The following HSPE1 variants were observed in gnomAD, a reference collection of about 807,000 sequenced individuals.
HSPE1 encodes the protein 10 kDa heat shock protein, mitochondrial.
HSPE1 carries 1 observed loss-of-function variant against 13.2 expected under a neutral mutation model. The ratio of observed to expected loss-of-function variants is 0.08; its 90% CI spans 0.03 to 0.36. The LOEUF is 0.36. Ranked by LOEUF, HSPE1 falls within the 10% of genes least tolerant of loss-of-function variation. HSPE1 has a pLI of 0.99. For missense variants in HSPE1, 73 were observed against 118.7 expected, an observed-to-expected ratio of 0.62 and a Z score of 1.79; for synonymous variants, 44 against 42.0, an observed-to-expected ratio of 1.05 and a Z score of -0.19.
In HSPE1 at chr2:197,501,193, A is replaced by G. The variant is rs960600265; in HGVS notation, c.123A>G (p.Val41=). Reference sequence around the variant, plus strand: ...TTCCAGAAAAATCTCAAGGAAAAGTATTGCAAGCAACAGTAGTCGCTGTTG... The same window carrying G: ...TTCCAGAAAAATCTCAAGGAAAAGTGTTGCAAGCAACAGTAGTCGCTGTTG... The part of the protein sequence containing the change: ...IMLPEKSQGK[V]LQATVVAVGS... Residue 41 remains valine (V), a synonymous_variant, in exon 2 of 4, where the codon GTA becomes GTG. Transcript: ENST00000233893. 1 of 1,614,024 alleles carries G rather than the reference A, an allele frequency of 6.2e-7. No individual in the cohort carries two copies.
intron 1 of HSPE1, chr2:197,500,850 T>C (rs2086243415): frequency 1.7e-6 from 1 of 601,848 alleles, no homozygotes; most frequent in Non-Finnish European, 2.9e-6. Flanking sequence ...GCTGGTCTGG[T>C]TGCTCACCGG....
At chr2:197,500,512 C>T in intron 1 of HSPE1, 73 bp downstream of exon 1, 1 of 639,226 alleles carries the variant, frequency 1.6e-6, no homozygotes, top group Non-Finnish European at 2.7e-6. Context: ...TGACGCCCCT[C>T]TTTTGTTGGG....
Position 197,500,412 on chromosome 2 carries a change from G to C in HSPE1, c.-25G>C. On this transcript the variant is annotated 5_prime_UTR_variant, in exon 1 of 4. Transcript: ENST00000233893. ...CTTTGCGGCGCTACACTAGAGCAGAGTACGAGTCTGAGGCGGAGGGAGTAA... is the reference window on the plus strand; with the variant it reads ...CTTTGCGGCGCTACACTAGAGCAGACTACGAGTCTGAGGCGGAGGGAGTAA... 2.5e-6 allele frequency: 4 copies of C among 1,600,166 alleles called. No homozygotes were observed. The highest frequency in any genetic ancestry group is 1.7e-6 in the Non-Finnish European group (2 of 1,173,962).
At chr2:197,500,550 A>G (rs1018284609) in intron 1 of HSPE1, 111 bp downstream of exon 1, 3 of 1,478,310 alleles carry the variant, frequency 2.0e-6, no homozygotes, top group African/African-American at 1.4e-5. Context: ...GTGGCCACTC[A>G]GTGACCAGCG....
intron 2 of HSPE1, 110 bp downstream of exon 2, chr2:197,501,348 A>G: frequency 7.9e-7 from 1 of 1,269,504 alleles, no homozygotes; most frequent in Non-Finnish European, 1.1e-6. Flanking sequence ...GTCGTTTTCA[A>G]GATCATTAAC....
In HSPE1 at chr2:197,500,983, A is replaced by G. The variant is rs903605115; in HGVS notation, c.4-91A>G. The G allele has an allele frequency of 2.7e-6, 4 of 1,475,130 alleles. No individual in the cohort carries two copies. In the African/African-American group the frequency reaches 5.6e-5, roughly 21 times the overall value. 91.4% of individuals were successfully genotyped at this position (1,475,130 alleles called of 1,614,324 possible). ...AGGTTTGGTGTTAACTTTCAAAGCC[A>G]AAACGTGTTGAGATGTATAGCACGG... On this transcript the variant is annotated intron_variant, in intron 1 of 3. Coordinates refer to ENST00000233893, the MANE Select transcript of HSPE1 (RefSeq NM_002157.3).
chr2:197,501,742 T>A (rs1162086729), intron 2 of HSPE1, among the ~76,000 whole-genome samples: 1 of 130,732 alleles, frequency 7.6e-6, no homozygotes, highest in Non-Finnish European at 1.6e-5. Flanking sequence ...CATTCCAGTA[T>A]GGGGGACAGG....
Position 197,501,169 on chromosome 2 carries a change from T to G in HSPE1, c.99T>G (p.Leu33=). The G allele has an allele frequency of 1.9e-6, 3 of 1,614,164 alleles. No homozygotes were observed. The Admixed American group carries it at 5.0e-5, about 27-fold the overall frequency. The part of the protein sequence containing the change: ...AETVTKGGIM[L]PEKSQGKVLQ... ...CTGTAACCAAAGGAGGCATTATGCTTCCAGAAAAATCTCAAGGAAAAGTAT... is the reference window on the plus strand; with the variant it reads ...CTGTAACCAAAGGAGGCATTATGCTGCCAGAAAAATCTCAAGGAAAAGTAT... The change falls in exon 2 of 4, where the codon CTT becomes CTG. Residue 33 remains leucine, a synonymous_variant. Coordinates refer to ENST00000233893, the MANE Select transcript of HSPE1 (RefSeq NM_002157.3).
intron 1 of HSPE1, 110 bp downstream of exon 1, chr2:197,500,549 C>CA: frequency 6.8e-7 from 1 of 1,473,562 alleles, no homozygotes; most frequent in Non-Finnish European, 9.3e-7. Flanking sequence ...GGTGGCCACT[C>CA]AGTGACCAGC....
At chr2:197,500,993 G>A (rs2086246165) in intron 1 of HSPE1, 81 bp from the exon 2 acceptor site, 2 of 1,512,734 alleles carry the variant, frequency 1.3e-6, no homozygotes, top group Admixed American at 2.0e-5. Flanking sequence ...AAAACGTGTT[G>A]AGATGTATAG....
intron 2 of HSPE1, among the ~76,000 whole-genome samples, chr2:197,502,257 A>G (rs1440508106): frequency 2.0e-5 from 3 of 152,196 alleles, no homozygotes; most frequent in Non-Finnish European, 4.4e-5. Context: ...ATTTTTTTTA[A>G]GCTTACCAGC....
chr2:197,500,593 C>T, intron 1 of HSPE1, 154 bp downstream of exon 1: 6 of 1,156,000 alleles, frequency 5.2e-6, no homozygotes, highest in East Asian at 2.6e-5. Context: ...AAGGCCCGCC[C>T]GACCCTTTTC....
chr2:197,500,863 G>T, intron 1 of HSPE1: 1 of 619,636 alleles, frequency 1.6e-6, no homozygotes, highest in Non-Finnish European at 2.8e-6. Context: ...CTCACCGGAG[G>T]AGCGACAACG....
In HSPE1 at chr2:197,501,065, T is replaced by C. The variant is rs370386655; in HGVS notation, c.4-9T>C. On this transcript the variant is annotated splice_polypyrimidine_tract_variant and intron_variant, in intron 1 of 3. Coordinates refer to ENST00000233893, the MANE Select transcript of HSPE1 (RefSeq NM_002157.3). ...TAGTTTTTGTTTCAAAACATTTCTCTTCCTACAGGCAGGACAAGCGTTTAG... is the reference window on the plus strand; with the variant it reads ...TAGTTTTTGTTTCAAAACATTTCTCCTCCTACAGGCAGGACAAGCGTTTAG... 13 of 1,598,578 alleles carry C rather than the reference T, an allele frequency of 8.1e-6. No homozygotes were observed. Among genetic ancestry groups the C allele is most frequent in the East Asian group, 2.2e-5 (1 of 44,858 alleles).
At chr2:197,502,504 A>C (rs1477781226) in intron 2 of HSPE1, among the ~76,000 whole-genome samples, 3 of 152,172 alleles carry the variant, frequency 2.0e-5, no homozygotes, top group Non-Finnish European at 2.9e-5. Context: ...GCTGTCATGG[A>C]GTTAGGAATA....
intron 1 of HSPE1, chr2:197,500,687 C>G: frequency 1.6e-6 from 1 of 617,030 alleles, no homozygotes; most frequent in Non-Finnish European, 2.8e-6. Context: ...CAGCGTCTCA[C>G]CTGCTTCTGC....
chr2:197,502,920 A>G (rs111789198), intron 2 of HSPE1, 119 bp from the exon 3 acceptor site: 8 of 654,344 alleles, frequency 1.2e-5, no homozygotes, highest in African/African-American at 5.4e-5. Context: ...CACGAAATAT[A>G]TTTTTAATAT....
chr2:197,501,460 A>G (rs1227805765), intron 2 of HSPE1: 2 of 514,730 alleles, frequency 3.9e-6, no homozygotes, highest in Non-Finnish European at 6.5e-6. Flanking sequence ...ATAGTTTCAG[A>G]GTATTAAAAA....
intron 2 of HSPE1, 91 bp from the exon 3 acceptor site, chr2:197,502,948 C>G (rs1394636002): frequency 5.7e-6 from 4 of 701,630 alleles, no homozygotes; most frequent in Non-Finnish European, 1.0e-5. Flanking sequence ...TTTGAGTGAC[C>G]ATGTTTCATT....
Sources: gnomAD v4.1 joint callset for allele counts (sites outside exome capture counted in the v4.1 genomes callset) on GRCh38, gnomAD v4.1.1 for gene constraint, MANE v1.5 for transcripts, NCBI Gene and HGNC (gene_info 2026-07-23, HGNC 2026-07-21) for gene names.